CPXM2: variants seen among roughly 807,000 people sequenced by gnomAD.
The protein encoded by CPXM2 is inactive carboxypeptidase-like protein X2.
In CPXM2, 66 loss-of-function variants were observed where a neutral mutation model predicts 86.1. The observed-to-expected ratio is 0.77, with a 90% CI of 0.63 to 0.94. The LOEUF is 0.94. CPXM2 is among the 40% of genes least tolerant of loss of function. CPXM2 has a pLI of 0.00. For synonymous variants in CPXM2, 388 were observed against 400.2 expected (o/e 0.97, Z 0.36); for missense variants, 948 against 1,026.3 (o/e 0.92, Z 1.04).
chr10:123,895,127 T>TC (rs200412474), upstream of CPXM2, among the ~76,000 whole-genome samples: 847 of 116,568 alleles, frequency 7.3e-3, 12 homozygotes, highest in African/African-American at 0.022. Context: ...TTTTCTTTTT[T>TC]TTTTTTTTTT....
chr10:123,937,476 C>T (rs767190425), intron 2 of CPXM2, among the ~76,000 whole-genome samples: 163 of 79,968 alleles, frequency 2.0e-3, no homozygotes, highest in East Asian at 7.1e-3. Flanking sequence ...AAACAACACA[C>T]ACACACACAC....
Position 123,767,824 on chromosome 10 carries a change from G to C in CPXM2, c.1300-672C>G, listed in dbSNP as rs114264639. ...AACACAAAATGTAAAGAACGTATCA[G>C]AATAATAAAACAACTATCCTCAGAA... On this transcript the variant is annotated intron_variant, in intron 9 of 13. Coordinates refer to ENST00000241305, the MANE Select transcript of CPXM2 (RefSeq NM_198148.3). Among the ~76,000 whole-genome samples, 219 of 152,118 alleles carry C rather than the reference G, an allele frequency of 1.4e-3. 1 individual carries two copies. The highest frequency in any genetic ancestry group is 5.0e-3 in the African/African-American group (206 of 41,508).
upstream of CPXM2, among the ~76,000 whole-genome samples, chr10:123,893,461 A>G (rs545129282): frequency 6.6e-6 from 1 of 152,334 alleles, no homozygotes; most frequent in African/African-American, 2.4e-5. Context: ...TCCAGTTTGA[A>G]GGCCAAAGCA....
At chr10:123,834,293 G>A (rs908306339) in intron 4 of CPXM2, among the ~76,000 whole-genome samples, 3 of 152,262 alleles carry the variant, frequency 2.0e-5, no homozygotes, top group African/African-American at 7.2e-5. Context: ...AGGAGACAGT[G>A]TCAGGAGGGG....
At chr10:123,822,172 G>C (rs1847938457) in intron 4 of CPXM2, among the ~76,000 whole-genome samples, 1 of 152,230 alleles carries the variant, frequency 6.6e-6, no homozygotes, top group Non-Finnish European at 1.5e-5. Context: ...ACAGAAATTG[G>C]TTTCTCCAAA....
intron 2 of CPXM2, among the ~76,000 whole-genome samples, chr10:123,878,297 T>TCTC (rs1491332456): frequency 5.9e-5 from 1 of 16,898 alleles, no homozygotes; most frequent in African/African-American, 1.4e-4. Flanking sequence ...TTTTTCTCTC[T>TCTC]TTTTTTTTTT....
chr10:123,891,764 GC>G lies in CPXM2; in HGVS notation c.-106del. ...GGGCAAGGGCGCAGGGCACAGCAGAGCGGCGCGCTTGGGCGCGGGAGGCGGC... is the reference window on the plus strand; with the variant it reads ...GGGCAAGGGCGCAGGGCACAGCAGAGGGCGCGCTTGGGCGCGGGAGGCGGC... On this transcript the variant is annotated 5_prime_UTR_variant, in exon 1 of 14. Coordinates refer to ENST00000241305, the MANE Select transcript of CPXM2 (RefSeq NM_198148.3). This position sits in a 1 kb window ranked among gnomAD's most constrained non-coding sequence, Gnocchi z 5.6. 2 of 840,982 alleles carry G rather than the reference GC, an allele frequency of 2.4e-6. No individual in the cohort carries two copies. The highest frequency in any genetic ancestry group is 3.8e-5 in the East Asian group (1 of 26,484). 52.1% of individuals were successfully genotyped at this position (840,982 alleles called of 1,614,324 possible). A position where few individuals can be genotyped will look rare whatever the true frequency, so the allele number is the denominator to read the frequency against.
At chr10:123,912,722 G>A (rs561144041) in intron 2 of CPXM2, among the ~76,000 whole-genome samples, 7 of 152,234 alleles carry the variant, frequency 4.6e-5, no homozygotes, top group Non-Finnish European at 5.9e-5. Context: ...TTTTCATCCC[G>A]GGCTCTGATC....
chr10:123,925,322 A>T (rs1359479444), intron 2 of CPXM2, among the ~76,000 whole-genome samples: 2 of 152,146 alleles, frequency 1.3e-5, no homozygotes, highest in Non-Finnish European at 2.9e-5. Flanking sequence ...AAGTTTCCAG[A>T]CCTCATTAAG....
intron 4 of CPXM2, among the ~76,000 whole-genome samples, chr10:123,802,934 G>T (rs1847491210): frequency 6.6e-6 from 1 of 151,126 alleles, no homozygotes; most frequent in Non-Finnish European, 1.5e-5. Flanking sequence ...ATGTTCATTG[G>T]GTATTTGAAC....
intron 4 of CPXM2, among the ~76,000 whole-genome samples, chr10:123,812,898 G>A (rs987587810): frequency 6.6e-6 from 1 of 152,176 alleles, no homozygotes; most frequent in African/African-American, 2.4e-5. Flanking sequence ...AAAGGTTGGG[G>A]ACTGCTGTTC....
intron 4 of CPXM2, among the ~76,000 whole-genome samples, chr10:123,834,568 G>A (rs1033601458): frequency 1.3e-5 from 2 of 152,218 alleles, no homozygotes; most frequent in African/African-American, 4.8e-5. Context: ...AGCAGGCCTG[G>A]TGTGTTTGTG....
intron 6 of CPXM2, among the ~76,000 whole-genome samples, chr10:123,792,256 A>G (rs971048319): frequency 6.6e-6 from 1 of 152,166 alleles, no homozygotes; most frequent in Non-Finnish European, 1.5e-5. Flanking sequence ...AAGAAGGGGA[A>G]ATTGGGAAAA....
At chr10:123,858,196 C>G (rs1848781526) in intron 3 of CPXM2, among the ~76,000 whole-genome samples, 1 of 152,236 alleles carries the variant, frequency 6.6e-6, no homozygotes, top group Non-Finnish European at 1.5e-5. Context: ...CATGTGACAG[C>G]AGACCAGCCT....
Position 123,891,480 on chromosome 10 carries a change from CG to C in CPXM2, c.179del (p.Pro60ArgfsTer51). On this transcript the variant is annotated frameshift_variant, in exon 1 of 14. Transcript: ENST00000241305. LOFTEE classifies it high-confidence loss of function. This position sits in a 1 kb window ranked among gnomAD's most constrained non-coding sequence, Gnocchi z 5.6. Reference sequence around the variant, plus strand: ...ACTCCTCCCCGGGCCCCGCAGGCAGCGGCGGAGAGAAGGTCTCGAGCTCGGG... The same window carrying C: ...ACTCCTCCCCGGGCCCCGCAGGCAGCGCGGAGAGAAGGTCTCGAGCTCGGG... ...PEPELETFSP[P>X]LPAGPGEEWE... 2 of 1,547,952 alleles carry C rather than the reference CG, an allele frequency of 1.3e-6. No homozygotes were observed. Among genetic ancestry groups the C allele is most frequent in the Non-Finnish European group, 1.7e-6 (2 of 1,145,470 alleles).
intron 2 of CPXM2, among the ~76,000 whole-genome samples, chr10:123,912,721 C>T (rs142318575): frequency 3.2e-4 from 49 of 152,272 alleles, no homozygotes; most frequent in African/African-American, 1.0e-3. Flanking sequence ...TTTTTCATCC[C>T]GGGCTCTGAT....
intron 7 of CPXM2, among the ~76,000 whole-genome samples, chr10:123,771,395 C>G (rs1846626866): frequency 6.6e-6 from 1 of 152,082 alleles, no homozygotes. Flanking sequence ...AACCTAATGC[C>G]CAATGCATGA....
At chr10:123,895,121 C>CTTTTTTTT (rs869104432), upstream of CPXM2, among the ~76,000 whole-genome samples, 139 of 85,876 alleles carry the variant, frequency 1.6e-3, no homozygotes, top group African/African-American at 2.1e-3. Context: ...TCTTTTTTTT[C>CTTTTTTTT]TTTTTTTTTT....
At chr10:123,920,012 G>A (rs1214314768) in intron 2 of CPXM2, among the ~76,000 whole-genome samples, 1 of 152,150 alleles carries the variant, frequency 6.6e-6, no homozygotes, top group Non-Finnish European at 1.5e-5. Flanking sequence ...CCTTTCATGA[G>A]GGATCCACTG....
Sources: gnomAD v4.1 joint callset for allele counts (sites outside exome capture counted in the v4.1 genomes callset) on GRCh38, gnomAD v4.1.1 for gene constraint, Gnocchi (gnomAD v3.1) non-coding constraint, MANE v1.5 for transcripts, NCBI Gene and HGNC (gene_info 2026-07-23, HGNC 2026-07-21) for gene names.